Variants in MAP1B observed in about 807,000 individuals in gnomAD.
The protein encoded by MAP1B is microtubule-associated protein 1B.
Under a neutral mutation model 176.1 loss-of-function variants are expected in MAP1B, and 12 were observed. The observed-to-expected ratio is 0.07, with a 90% CI of 0.04 to 0.11. The LOEUF is 0.11. Among genes scored for constraint, MAP1B ranks in the 10% least tolerant of loss-of-function variants. MAP1B has a pLI of 1.00. For missense variants in MAP1B, 2,523 were observed against 2,990.5 expected (o/e 0.84, Z 3.65); for synonymous variants, 1,044 against 1,135.0 (o/e 0.92, Z 1.61).
At chr5:72,130,296 A>G (rs1019585002) in intron 2 of MAP1B, among the ~76,000 whole-genome samples, 6 of 152,146 alleles carry the variant, frequency 3.9e-5, no homozygotes, top group Admixed American at 3.3e-4. Context: ...CTTTTTCCCA[A>G]TGTCAACTGA....
rs1747295855 is a variant in MAP1B at position 72,200,038 on chromosome 5, A to G, written c.6683A>G (p.Glu2228Gly). The G allele has an allele frequency of 6.2e-7, 1 of 1,614,064 alleles. No homozygotes were observed. The highest frequency in any genetic ancestry group is 8.5e-7 in the Non-Finnish European group (1 of 1,180,042). ...SMVDPEALAI[E>G]QNLGKALKKD... ...GTGGACCCAGAGGCCTTGGCCATTG[A>G]GCAGAACCTGGGCAAAGCTCTAAAG... is the stretch of plus-strand genomic sequence containing the variant. Residue 2228 changes from glutamate (E) to glycine (G), a missense_variant, in exon 5 of 7, where the codon GAG becomes GGG. This residue lies in a region of MAP1B where 287 missense variants were observed against 401.5 expected (regional missense o/e 0.71). Coordinates refer to ENST00000296755, the MANE Select transcript of MAP1B (RefSeq NM_005909.5).
chr5:72,165,552 G>GGTT (rs1746411692), intron 2 of MAP1B, among the ~76,000 whole-genome samples: 1 of 152,084 alleles, frequency 6.6e-6, no homozygotes, highest in Non-Finnish European at 1.5e-5. Context: ...CAACAGTCCT[G>GGTT]TTCCTGGCCA....
intron 2 of MAP1B, among the ~76,000 whole-genome samples, chr5:72,179,136 C>G (rs1246267815): frequency 6.6e-6 from 1 of 152,148 alleles, no homozygotes; most frequent in Non-Finnish European, 1.5e-5. Flanking sequence ...ACAATCTTCT[C>G]CACTGCCCCC....
At chr5:72,119,728 C>T (rs1579981556) in intron 2 of MAP1B, among the ~76,000 whole-genome samples, 2 of 152,216 alleles carry the variant, frequency 1.3e-5, no homozygotes, top group South Asian at 2.1e-4. Flanking sequence ...AGGCTGATCT[C>T]GAACTCCTGA....
chr5:72,111,877 T>G (rs920555496), intron 1 of MAP1B, among the ~76,000 whole-genome samples: 32 of 152,330 alleles, frequency 2.1e-4, no homozygotes, highest in Admixed American at 3.3e-4. Context: ...TTATCAATGC[T>G]TTGAAACTAT....
intron 1 of MAP1B, among the ~76,000 whole-genome samples, chr5:72,109,545 C>A (rs1239408637): frequency 6.6e-6 from 1 of 152,100 alleles, no homozygotes; most frequent in Non-Finnish European, 1.5e-5. Flanking sequence ...TTAGGAGGTG[C>A]TTTTCTATCT....
chr5:72,164,919 G>C (rs1746395886), intron 2 of MAP1B, among the ~76,000 whole-genome samples: 1 of 152,082 alleles, frequency 6.6e-6, no homozygotes, highest in Admixed American at 6.5e-5. Flanking sequence ...ATTTTTCTTG[G>C]AAGAGTCTCT....
chr5:72,168,368 C>G (rs564025744), intron 2 of MAP1B, among the ~76,000 whole-genome samples: 8 of 152,334 alleles, frequency 5.3e-5, no homozygotes, highest in African/African-American at 1.9e-4. Context: ...TACCTGTTGG[C>G]ATTTTTACAG....
At chr5:72,182,592 C>G (rs981185602) in intron 2 of MAP1B, among the ~76,000 whole-genome samples, 1 of 152,212 alleles carries the variant, frequency 6.6e-6, no homozygotes, top group Non-Finnish European at 1.5e-5. Flanking sequence ...AGTGGGCTTG[C>G]TGGGTCATAC....
In MAP1B at chr5:72,195,569, C is replaced by T. The variant is rs370707948; in HGVS notation, c.2214C>T (p.Asp738=). Residue 738 remains aspartate (D), a synonymous_variant, in exon 5 of 7, where the codon GAC becomes GAT. Transcript: ENST00000296755. Reference sequence around the variant, plus strand: ...AAGAAATTAAGAAGCTCCCTAAAGACGCAAAGAAATCATCTACTCCTCTGT... The same window carrying T: ...AAGAAATTAAGAAGCTCCCTAAAGATGCAAAGAAATCATCTACTCCTCTGT... ...PKKEIKKLPK[D]AKKSSTPLSE... 8.1e-5 allele frequency: 130 copies of T among 1,612,300 alleles called. No homozygotes were observed. Among genetic ancestry groups the T allele is most frequent in the African/African-American group, 1.9e-4 (14 of 74,682 alleles).
In MAP1B at chr5:72,208,941, T is replaced by G. The variant is rs1488654754; in HGVS notation, c.*3702T>G. ...TAGAAGAAAAGATCCTGTTTCCATT[T>G]GAAAGGAACTGTAAGCTTTTATCTT... is the stretch of plus-strand genomic sequence containing the variant. On this transcript the variant is annotated 3_prime_UTR_variant, in exon 7 of 7. Coordinates refer to ENST00000296755, the MANE Select transcript of MAP1B (RefSeq NM_005909.5). 6.6e-6 allele frequency: 1 copy of G among 152,202 alleles called. No individual in the cohort carries two copies. Among genetic ancestry groups the G allele is most frequent in the Non-Finnish European group, 1.5e-5 (1 of 68,022 alleles). The allele number at this position is 152,202 out of a possible 1,614,324, so 9.4% of individuals were successfully genotyped here. A position where few individuals can be genotyped will look rare whatever the true frequency, so the allele number is the denominator to read the frequency against.
In MAP1B at chr5:72,199,957, C is replaced by T. The variant is rs770192876; in HGVS notation, c.6602C>T (p.Pro2201Leu). ...KTVTYKHMDP[P>L]PAPVQDRSPS... ...GTCACGTACAAACACATGGACCCAC[C>T]TCCAGCTCCCGTGCAAGACCGCAGC... The change falls in exon 5 of 7, where the codon CCT (proline) becomes CTT (leucine). Residue 2201 changes from proline (P) to leucine (L), a missense_variant. Coordinates refer to ENST00000296755, the MANE Select transcript of MAP1B (RefSeq NM_005909.5). This position sits in a 1 kb window ranked among gnomAD's most constrained non-coding sequence, Gnocchi z 4.2. 4.3e-6 allele frequency: 7 copies of T among 1,614,124 alleles called. No individual in the cohort carries two copies. In the East Asian group the frequency reaches 8.9e-5, roughly 21 times the overall value.
At chr5:72,177,829 G>GGGTTAGA (rs1205227364) in intron 2 of MAP1B, among the ~76,000 whole-genome samples, 1 of 152,024 alleles carries the variant, frequency 6.6e-6, no homozygotes, top group Non-Finnish European at 1.5e-5. Context: ...TTTGCACGAG[G>GGGTTAGA]GGTTAGAGGT....
At chr5:72,118,296 C>G (rs1033538029) in intron 2 of MAP1B, among the ~76,000 whole-genome samples, 1 of 151,886 alleles carries the variant, frequency 6.6e-6, no homozygotes, top group African/African-American at 2.4e-5. Flanking sequence ...CAGGTACATG[C>G]CACCACACCT....
At chr5:72,124,290 C>G (rs776948331) in intron 2 of MAP1B, among the ~76,000 whole-genome samples, 6 of 152,164 alleles carry the variant, frequency 3.9e-5, no homozygotes, top group Non-Finnish European at 7.4e-5. Context: ...GTAAGAGGTA[C>G]TCTGGGGAAG....
At chr5:72,122,010 G>A (rs1463118277) in intron 2 of MAP1B, among the ~76,000 whole-genome samples, 3 of 152,200 alleles carry the variant, frequency 2.0e-5, no homozygotes, top group Non-Finnish European at 4.4e-5. Context: ...CCATGCCTGT[G>A]AGGCTCTGCT....
chr5:72,181,723 A>ATTTT (rs33951504), intron 2 of MAP1B, among the ~76,000 whole-genome samples: 4 of 138,490 alleles, frequency 2.9e-5, no homozygotes, highest in Admixed American at 7.2e-5. Context: ...ACACCCAGCT[A>ATTTT]TTTTTTTTTT....
intron 2 of MAP1B, among the ~76,000 whole-genome samples, chr5:72,164,191 A>G (rs1422894476): frequency 6.6e-6 from 1 of 151,848 alleles, no homozygotes; most frequent in East Asian, 1.9e-4. Flanking sequence ...TTGGCCTCTC[A>G]AACTGCTGGG....
At position 72,197,059 on chromosome 5, in the gene MAP1B, C is replaced by T; in HGVS notation, c.3704C>T (p.Thr1235Ile). Residue 1235 changes from threonine (T) to isoleucine (I), a missense_variant, in exon 5 of 7, where the codon ACC becomes ATC. Coordinates refer to ENST00000296755, the MANE Select transcript of MAP1B (RefSeq NM_005909.5). Reference protein sequence around the residue: ...DAYCSEVKASTTLDIKDSISA... With the variant: ...DAYCSEVKASITLDIKDSISA... Reference sequence around the variant, plus strand: ...TACTGCTCTGAAGTGAAAGCCAGCACCACTTTGGACATCAAAGATAGCATC... The same window carrying T: ...TACTGCTCTGAAGTGAAAGCCAGCATCACTTTGGACATCAAAGATAGCATC... 6.2e-7 allele frequency: 1 copy of T among 1,614,184 alleles called. No individual in the cohort carries two copies. Among genetic ancestry groups the T allele is most frequent in the Non-Finnish European group, 8.5e-7 (1 of 1,180,008 alleles).
Sources: gnomAD v4.1 joint callset for allele counts (sites outside exome capture counted in the v4.1 genomes callset) on GRCh38, gnomAD v4.1.1 for gene constraint, gnomAD v4.1.1 regional missense constraint, Gnocchi (gnomAD v3.1) non-coding constraint, MANE v1.5 for transcripts, NCBI Gene and HGNC (gene_info 2026-07-23, HGNC 2026-07-21) for gene names.